The following KIAA0586 variants were observed in gnomAD, a reference collection of about 807,000 sequenced individuals.
KIAA0586 encodes KIAA0586, also known as protein TALPID3.
KIAA0586 carries 144 observed loss-of-function variants against 169.8 expected under a neutral mutation model. The observed-to-expected ratio is 0.85, with a 90% CI of 0.74 to 0.97. The LOEUF is 0.97. Among genes scored for constraint, KIAA0586 ranks in the 50% least tolerant of loss-of-function variants. The probability of loss-of-function intolerance (pLI) is 0.00; values close to 1 mark genes in which losing one functional copy is unlikely to be tolerated. For synonymous variants in KIAA0586, 625 were observed against 612.4 expected, an observed-to-expected ratio of 1.02 and a Z score of -0.30; for missense variants, 1,854 against 1,823.0, an observed-to-expected ratio of 1.02 and a Z score of -0.31.
chr14:58,459,527 G>A (rs1398177607), intron 12 of KIAA0586, among the ~76,000 whole-genome samples: 1 of 151,906 alleles, frequency 6.6e-6, no homozygotes, highest in Admixed American at 6.6e-5. Context: ...TAAACTGTTA[G>A]CAAAATTCAT....
At chr14:58,437,698 C>G (rs1473357333) in intron 4 of KIAA0586, among the ~76,000 whole-genome samples, 1 of 111,848 alleles carries the variant, frequency 8.9e-6, no homozygotes, top group Non-Finnish European at 1.8e-5. Context: ...CAGTGAGATC[C>G]TGTCTCAAAA....
chr14:58,488,546 G>A, intron 23 of KIAA0586, 75 bp from the exon 24 acceptor site: 1 of 1,515,026 alleles, frequency 6.6e-7, no homozygotes, highest in Non-Finnish European at 8.9e-7. Context: ...TAGTCTTCGA[G>A]TCTGTTTTTT....
chr14:58,502,509 C>T (rs547059975), intron 27 of KIAA0586, among the ~76,000 whole-genome samples: 24 of 152,160 alleles, frequency 1.6e-4, no homozygotes, highest in Admixed American at 6.5e-5. Context: ...ATTGATAACA[C>T]AGACCAATCA....
chr14:58,550,394 G>T lies in KIAA0586; in HGVS notation c.*2462G>T, dbSNP rs1189604351. 6.6e-6 allele frequency: 1 copy of T among 152,128 alleles called. No individual in the cohort carries two copies. Among genetic ancestry groups the T allele is most frequent in the South Asian group, 2.1e-4 (1 of 4,826 alleles). 9.4% of individuals were successfully genotyped at this position (152,128 alleles called of 1,614,324 possible). A position where few individuals can be genotyped will look rare whatever the true frequency, so the allele number is the denominator to read the frequency against. On this transcript the variant is annotated 3_prime_UTR_variant, in exon 31 of 31. Coordinates refer to ENST00000652326, the MANE Select transcript of KIAA0586 (RefSeq NM_001329943.3). ...ACTTCAGATTCTTTTGGAATAAGACGATGTACGTAAAAACAAACTAAATGG... is the reference window on the plus strand; with the variant it reads ...ACTTCAGATTCTTTTGGAATAAGACTATGTACGTAAAAACAAACTAAATGG...
chr14:58,555,642 C>T (rs532036469), downstream of KIAA0586, among the ~76,000 whole-genome samples: 8 of 152,132 alleles, frequency 5.3e-5, no homozygotes, highest in Admixed American at 4.6e-4. Context: ...ATTTATTTAC[C>T]ATGGAGCTTA....
At chr14:58,471,158 A>C (rs1387802118) in intron 17 of KIAA0586, among the ~76,000 whole-genome samples, 2 of 152,104 alleles carry the variant, frequency 1.3e-5, no homozygotes, top group Non-Finnish European at 2.9e-5. Context: ...CCCAAAACAA[A>C]TTTTGAATTG....
At chr14:58,527,391 G>C (rs2045660816) in intron 29 of KIAA0586, among the ~76,000 whole-genome samples, 1 of 152,118 alleles carries the variant, frequency 6.6e-6, no homozygotes, top group South Asian at 2.1e-4. Flanking sequence ...GCAACCTCAA[G>C]ACACATAATC....
chr14:58,428,214 A>G lies in KIAA0586; in HGVS notation c.-51A>G. The G allele has an allele frequency of 6.4e-7, 1 of 1,574,222 alleles. No homozygotes were observed. Among genetic ancestry groups the G allele is most frequent in the Non-Finnish European group, 8.6e-7 (1 of 1,161,948 alleles). ...TTTTGTTCTGAAGTCTTAAGGAAAC[A>G]GAGAAAGTTTTTCCGTCCTTAAGTG... On this transcript the variant is annotated 5_prime_UTR_variant, in exon 1 of 31. Coordinates refer to ENST00000652326, the MANE Select transcript of KIAA0586 (RefSeq NM_001329943.3).
At chr14:58,457,342 T>TA (rs1444888327) in intron 10 of KIAA0586, among the ~76,000 whole-genome samples, 1 of 152,064 alleles carries the variant, frequency 6.6e-6, no homozygotes, top group Non-Finnish European at 1.5e-5. Context: ...AATCTCGGCT[T>TA]ACTGCAACCT....
In KIAA0586 at chr14:58,508,700, T is replaced by G; in HGVS notation, c.4314T>G (p.Asp1438Glu). 1.3e-6 allele frequency: 2 copies of G among 1,584,198 alleles called. No individual in the cohort carries two copies. The highest frequency in any genetic ancestry group is 2.7e-5 in the African/African-American group (2 of 74,598). Residue 1438 changes from aspartate (D) to glutamate (E), a missense_variant, in exon 28 of 31, where the codon GAT (aspartate) becomes GAG (glutamate). Coordinates refer to ENST00000652326, the MANE Select transcript of KIAA0586 (RefSeq NM_001329943.3). ...TTAATTTACCAGTAGCCGCTGAAGA[T>G]TTTTCCCAGGTACCAAATTAATAGC... is the stretch of plus-strand genomic sequence containing the variant. ...NDVNLPVAAEDFSQYQLKQNQ... is the reference protein window; with the variant it reads ...NDVNLPVAAEEFSQYQLKQNQ...
At chr14:58,467,986 A>G (rs1003213321) in intron 16 of KIAA0586, 64 bp downstream of exon 16, 4 of 1,026,910 alleles carry the variant, frequency 3.9e-6, no homozygotes, top group Non-Finnish European at 5.7e-6. Context: ...TAACGTTAGT[A>G]CGGAAATCCA....
chr14:58,496,897 ATTT>A (rs879612971), intron 26 of KIAA0586, among the ~76,000 whole-genome samples: 3 of 152,132 alleles, frequency 2.0e-5, no homozygotes, highest in Non-Finnish European at 4.4e-5. Flanking sequence ...AGGATATATA[ATTT>A]TTTAATACAG....
In KIAA0586 at chr14:58,548,165, T is replaced by C. The variant is rs895097424; in HGVS notation, c.*233T>C. The stretch of plus-strand genomic sequence containing the variant: ...TGTTTCTTAGAATCCTGAGATAGCA[T>C]AGAGTAGTGAAAGGGCATGGCTTTT... On this transcript the variant is annotated 3_prime_UTR_variant, in exon 31 of 31. Coordinates refer to ENST00000652326, the MANE Select transcript of KIAA0586 (RefSeq NM_001329943.3). The C allele has an allele frequency of 1.8e-5, 8 of 439,880 alleles. No homozygotes were observed. The highest frequency in any genetic ancestry group is 3.2e-5 in the Non-Finnish European group (8 of 252,782). The allele number at this position is 439,880 out of a possible 1,614,324, so 27.2% of individuals were successfully genotyped here.
Position 58,477,238 on chromosome 14 carries a change from A to G in KIAA0586, c.2941A>G (p.Ile981Val), listed in dbSNP as rs910626217. Residue 981 changes from isoleucine to valine, a missense_variant, in exon 20 of 31, where the codon ATT becomes GTT. Coordinates refer to ENST00000652326, the MANE Select transcript of KIAA0586 (RefSeq NM_001329943.3). ...SETSEPLTSD[I>V]VEGTSSGALQ... ...GACAAGTGAACCACTGACTTCTGAC[A>G]TTGGTAAGTGAAATAGAATTTTTTT... is the stretch of plus-strand genomic sequence containing the variant. The G allele has an allele frequency of 1.3e-6, 2 of 1,487,984 alleles. No individual in the cohort carries two copies. The highest frequency in any genetic ancestry group is 1.4e-5 in the African/African-American group (1 of 72,154). 92.2% of individuals were successfully genotyped at this position (1,487,984 alleles called of 1,614,324 possible). A position where few individuals can be genotyped will look rare whatever the true frequency, so the allele number is the denominator to read the frequency against.
chr14:58,463,415 A>T (rs1346174958), intron 14 of KIAA0586, among the ~76,000 whole-genome samples: 2 of 152,238 alleles, frequency 1.3e-5, no homozygotes, highest in African/African-American at 2.4e-5. Flanking sequence ...CTGAACAAAC[A>T]TTTTAAATAA....
upstream of KIAA0586, chr14:58,427,521 T>G (rs2036915333): frequency 6.9e-7 from 1 of 1,455,636 alleles, no homozygotes; most frequent in Non-Finnish European, 9.3e-7. Flanking sequence ...TGTGCGGCAA[T>G]GTGCTACCTT....
chr14:58,470,856 A>G (rs1286611403), intron 17 of KIAA0586, 133 bp downstream of exon 17: 3 of 543,446 alleles, frequency 5.5e-6, no homozygotes, highest in African/African-American at 1.9e-5. Flanking sequence ...GATTGAAAAC[A>G]ATTTTTTTTT....
At position 58,427,995 on chromosome 14, in the gene KIAA0586, T is replaced by C. The variant is rs910448410; in HGVS notation, c.-270T>C. On this transcript the variant is annotated 5_prime_UTR_variant, in exon 1 of 31. Coordinates refer to ENST00000652326, the MANE Select transcript of KIAA0586 (RefSeq NM_001329943.3). ...GTTGGGGAGTGCACTGTTATGGTTA[T>C]TGTTGCTCCTGTGGCCATTCTCTTG... 4.2e-6 allele frequency: 6 copies of C among 1,423,958 alleles called. No individual in the cohort carries two copies. In the Admixed American group the frequency reaches 1.2e-4, roughly 28 times the overall value. 88.2% of individuals were successfully genotyped at this position (1,423,958 alleles called of 1,614,324 possible). A position where few individuals can be genotyped will look rare whatever the true frequency, so the allele number is the denominator to read the frequency against.
intron 6 of KIAA0586, 82 bp downstream of exon 6, chr14:58,444,257 A>G (rs1191391424): frequency 1.2e-6 from 1 of 846,726 alleles, no homozygotes; most frequent in Non-Finnish European, 1.9e-6. Flanking sequence ...TAATTACAGT[A>G]GCTCATTAGA....
Sources: gnomAD v4.1 joint callset for allele counts (sites outside exome capture counted in the v4.1 genomes callset) on GRCh38, gnomAD v4.1.1 for gene constraint, MANE v1.5 for transcripts, NCBI Gene and HGNC (gene_info 2026-07-23, HGNC 2026-07-21) for gene names.